Variants in TLL2 observed in about 807,000 individuals in gnomAD.
TLL2 encodes tolloid-like protein 2.
A neutral mutation model predicts 123.0 loss-of-function variants in TLL2; 106 were observed. The observed-to-expected ratio is 0.86, with a 90% CI of 0.74 to 1.01. The LOEUF is 1.01. Ranked by LOEUF, TLL2 falls within the 50% of genes least tolerant of loss-of-function variation. The pLI is 0.00. For synonymous variants in TLL2, 494 were observed against 516.8 expected (o/e 0.96, Z 0.60); for missense variants, 1,332 against 1,336.7 (o/e 1.00, Z 0.06).
chr10:96,513,586 C>T lies in TLL2; in HGVS notation c.100G>A (p.Ala34Thr). Residue 34 changes from alanine to threonine, a missense_variant, in exon 1 of 21, where the codon GCA (alanine) becomes ACA (threonine). By Grantham distance (58) the Ala-to-Thr change is moderately conservative. Transcript: ENST00000357947. ...GGLGERPDATADYSELDGEEG... is the reference protein window; with the variant it reads ...GGLGERPDATTDYSELDGEEG... ...TCGCCGTCCAGCTCTGAGTAGTCTG[C>T]GGTGGCGTCCGGGCGCTCCCCGAGT... 1 of 1,607,602 alleles carries T rather than the reference C, an allele frequency of 6.2e-7. No individual in the cohort carries two copies.
intron 10 of TLL2, among the ~76,000 whole-genome samples, chr10:96,397,956 A>T (rs1425569130): frequency 6.6e-6 from 1 of 152,146 alleles, no homozygotes; most frequent in Non-Finnish European, 1.5e-5. Flanking sequence ...TAGGTTTAAG[A>T]ATCTAAGAGA....
At chr10:96,378,837 G>A in intron 17 of TLL2, 130 bp downstream of exon 17, 1 of 1,277,316 alleles carries the variant, frequency 7.8e-7, no homozygotes, top group Non-Finnish European at 1.1e-6. Flanking sequence ...AAGGACAGCA[G>A]TTGCTGGGCC....
At chr10:96,509,528 T>C (rs74479493) in intron 1 of TLL2, among the ~76,000 whole-genome samples, 17,017 of 152,270 alleles carry the variant, frequency 0.11, 1,191 homozygotes, top group Non-Finnish European at 0.16. Flanking sequence ...ACTCCCTTCA[T>C]TGGATTTCCT....
At chr10:96,456,340 A>G (rs776895130) in intron 2 of TLL2, among the ~76,000 whole-genome samples, 1 of 152,148 alleles carries the variant, frequency 6.6e-6, no homozygotes, top group South Asian at 2.1e-4. Flanking sequence ...TCACAGACAC[A>G]TGTGTGTATT....
intron 19 of TLL2, 192 bp downstream of exon 19, chr10:96,373,404 G>T: frequency 3.6e-6 from 2 of 555,260 alleles, no homozygotes; most frequent in South Asian, 4.0e-5. Context: ...GCCTCCCAAA[G>T]TGCTGGGATT....
chr10:96,445,252 T>C (rs905397675), intron 3 of TLL2, among the ~76,000 whole-genome samples: 1 of 152,256 alleles, frequency 6.6e-6, no homozygotes, highest in Non-Finnish European at 1.5e-5. Flanking sequence ...CACTGCTGAC[T>C]GTGAATCATG....
At chr10:96,402,203 A>G (rs1441878321) in intron 10 of TLL2, among the ~76,000 whole-genome samples, 1 of 152,246 alleles carries the variant, frequency 6.6e-6, no homozygotes. Flanking sequence ...CAAACAATGG[A>G]GAAGTATACA....
chr10:96,368,978 G>C (rs989847928), intron 20 of TLL2, among the ~76,000 whole-genome samples: 1 of 152,214 alleles, frequency 6.6e-6, no homozygotes, highest in Admixed American at 6.5e-5. Flanking sequence ...TCCTTTTTTA[G>C]AGGGTGAAAG....
intron 2 of TLL2, among the ~76,000 whole-genome samples, chr10:96,457,559 TC>T (rs1298159122): frequency 6.6e-6 from 1 of 152,168 alleles, no homozygotes; most frequent in Non-Finnish European, 1.5e-5. Context: ...AGAGGGAAAC[TC>T]CTTTTCCTCA....
intron 1 of TLL2, among the ~76,000 whole-genome samples, chr10:96,511,217 T>C (rs1847626843): frequency 6.6e-6 from 1 of 152,218 alleles, no homozygotes; most frequent in South Asian, 2.1e-4. Context: ...TTGCCTTAAA[T>C]ATGCAACCAG....
At chr10:96,463,539 G>T (rs1187181798) in intron 2 of TLL2, among the ~76,000 whole-genome samples, 1 of 152,190 alleles carries the variant, frequency 6.6e-6, no homozygotes, top group Admixed American at 6.5e-5. Flanking sequence ...ATCCTGTTCG[G>T]TTCCACAACT....
At position 96,370,282 on chromosome 10, in the gene TLL2, G is replaced by A; in HGVS notation, c.2696C>T (p.Thr899Ile). 6.2e-7 allele frequency: 1 copy of A among 1,601,432 alleles called. No individual in the cohort carries two copies. Among genetic ancestry groups the A allele is most frequent in the Non-Finnish European group, 8.5e-7 (1 of 1,173,076 alleles). ...CGGRLKAEVQ[T>I]KELYSHAQFG... ...CTGGGCGTGGGAATAGAGCTCTTTG[G>A]TCTGCACTTCAGCCTTCAGCCTGCC... The change falls in exon 20 of 21, where the codon ACC becomes ATC. Residue 899 changes from threonine (T) to isoleucine (I), a missense_variant. Thr to Ile is a moderately conservative substitution (Grantham distance 89). Coordinates refer to ENST00000357947, the MANE Select transcript of TLL2 (RefSeq NM_012465.4).
chr10:96,469,371 C>CTTGT (rs1847157545), intron 2 of TLL2, among the ~76,000 whole-genome samples: 1 of 152,274 alleles, frequency 6.6e-6, no homozygotes, highest in Non-Finnish European at 1.5e-5. Context: ...GAACCAGTCG[C>CTTGT]TCTTGCCTTG....
chr10:96,420,989 C>T lies in TLL2; in HGVS notation c.890G>A (p.Ser297Asn). 1.9e-6 allele frequency: 3 copies of T among 1,614,100 alleles called. No individual in the cohort carries two copies. The highest frequency in any genetic ancestry group is 2.5e-6 in the Non-Finnish European group (3 of 1,179,988). ...SSLGETYDFD[S>N]IMHYARNTFS... The stretch of plus-strand genomic sequence containing the variant: ...GGTGTTCCGGGCGTAGTGCATGATG[C>T]TGTCAAAGTCGTATGTCTCTCCCAG... The change falls in exon 7 of 21, where the codon AGC becomes AAC. Residue 297 changes from serine to asparagine, a missense_variant. Physicochemically the swap from Ser to Asn is conservative, Grantham distance 46 (BLOSUM62 1). Transcript: ENST00000357947.
intron 1 of TLL2, among the ~76,000 whole-genome samples, chr10:96,512,688 T>G (rs7896621): frequency 6.6e-6 from 1 of 152,232 alleles, no homozygotes; most frequent in African/African-American, 2.4e-5. Flanking sequence ...CTGTCCGTGC[T>G]GGAACTGCCC....
At chr10:96,482,653 G>A (rs1349361629) in intron 1 of TLL2, among the ~76,000 whole-genome samples, 1 of 152,212 alleles carries the variant, frequency 6.6e-6, no homozygotes, top group African/African-American at 2.4e-5. Flanking sequence ...ATTTGTAATT[G>A]TTTAGGACTG....
At position 96,397,239 on chromosome 10, in the gene TLL2, T is replaced by G. The variant is rs759626862; in HGVS notation, c.1331A>C (p.Glu444Ala). Residue 444 changes from glutamate to alanine, a missense_variant, in exon 11 of 21, where the codon GAG becomes GCG. By Grantham distance (107) the Glu-to-Ala change is moderately radical. Coordinates refer to ENST00000357947, the MANE Select transcript of TLL2 (RefSeq NM_012465.4). ...LVSTDSRLWVEFRSSSNILGK... is the reference protein window; with the variant it reads ...LVSTDSRLWVAFRSSSNILGK... ...CAAGATGTTGCTGCTGCTGCGGAAC[T>G]CCACCCAGAGCCGGCTGTCCGTGGA... 2 of 1,613,818 alleles carry G rather than the reference T, an allele frequency of 1.2e-6. No homozygotes were observed. Among genetic ancestry groups the G allele is most frequent in the Non-Finnish European group, 1.7e-6 (2 of 1,179,816 alleles).
At chr10:96,410,999 T>G (rs1366163866) in intron 8 of TLL2, among the ~76,000 whole-genome samples, 1 of 152,088 alleles carries the variant, frequency 6.6e-6, no homozygotes, top group Non-Finnish European at 1.5e-5. Flanking sequence ...CTCAGCACTT[T>G]GGGAGGCCAA....
intron 2 of TLL2, among the ~76,000 whole-genome samples, chr10:96,457,449 G>C (rs1847028103): frequency 6.6e-6 from 1 of 152,200 alleles, no homozygotes; most frequent in Non-Finnish European, 1.5e-5. Context: ...AGAGGGAAGG[G>C]AAGGCAGATA....
Sources: gnomAD v4.1 joint callset for allele counts (sites outside exome capture counted in the v4.1 genomes callset) on GRCh38, gnomAD v4.1.1 for gene constraint, MANE v1.5 for transcripts, NCBI Gene and HGNC (gene_info 2026-07-23, HGNC 2026-07-21) for gene names.